Variants in FRMPD3 observed in about 807,000 individuals in gnomAD.
The protein encoded by FRMPD3 is FERM and PDZ domain-containing protein 3.
Under a neutral mutation model 97.9 loss-of-function variants are expected in FRMPD3, and 42 were observed. The observed-to-expected ratio is 0.43, with a 90% CI of 0.34 to 0.55. The LOEUF (loss-of-function observed/expected upper bound fraction) is 0.55. Ranked by LOEUF, FRMPD3 falls within the 20% of genes least tolerant of loss-of-function variation. The pLI is 0.03. For synonymous variants in FRMPD3, 577 were observed against 581.1 expected (o/e 0.99, Z 0.10); for missense variants, 1,303 against 1,457.7 (o/e 0.89, Z 1.73).
At chrX:107,565,144 G>C in intron 12 of FRMPD3, 78 bp downstream of exon 12, 1 of 966,960 alleles carries the variant, frequency 1.0e-6, no homozygotes, top group Non-Finnish European at 1.4e-6. Flanking sequence ...TTGAGAAAGA[G>C]AATTGGAATC....
At position 107,597,602 on chromosome X, in the gene FRMPD3, G is replaced by A. The variant is rs750683311; in HGVS notation, c.1723G>A (p.Val575Ile). Residue 575 changes from valine to isoleucine, a missense_variant, in exon 14 of 15, where the codon GTA becomes ATA. Transcript: ENST00000683843. Reference sequence around the variant, plus strand: ...CAAAAGCTCTGGCCAAGGTTATGAGGTAGTCCCTGATGACTTTGATGCAGC... The same window carrying A: ...CAAAAGCTCTGGCCAAGGTTATGAGATAGTCCCTGATGACTTTGATGCAGC... ...TSKSSGQGYE[V>I]VPDDFDAASL... 7 of 1,210,938 alleles carry A rather than the reference G, an allele frequency of 5.8e-6. No individual in the cohort carries two copies. The East Asian group carries it at 2.1e-4, about 36-fold the overall frequency.
intron 13 of FRMPD3, among the ~76,000 whole-genome samples, chrX:107,594,829 T>C (rs1015546769): frequency 2.2e-4 from 24 of 109,971 alleles, no homozygotes; most frequent in African/African-American, 8.0e-4. Context: ...TGCAGTGAGC[T>C]GAGTTCGTGC....
intron 13 of FRMPD3, among the ~76,000 whole-genome samples, chrX:107,594,603 C>T (rs146611606): frequency 1.8e-5 from 2 of 112,276 alleles, no homozygotes; most frequent in Non-Finnish European, 3.8e-5. Flanking sequence ...TATTTTAGGC[C>T]GGGCGCGGTG....
intron 1 of FRMPD3, among the ~76,000 whole-genome samples, chrX:107,456,942 A>C (rs1422417414): frequency 1.8e-5 from 2 of 112,176 alleles, no homozygotes; most frequent in Non-Finnish European, 3.8e-5. Context: ...TGGAGGCAGG[A>C]AGACCAGTTA....
intron 2 of FRMPD3, among the ~76,000 whole-genome samples, chrX:107,528,068 T>C (rs965127700): frequency 5.4e-5 from 6 of 110,895 alleles, no homozygotes; most frequent in African/African-American, 2.0e-4. Flanking sequence ...GGGGTTCAGC[T>C]GCCAAAGGTA....
intron 13 of FRMPD3, among the ~76,000 whole-genome samples, chrX:107,590,336 C>T (rs1258490621): frequency 9.8e-6 from 1 of 101,918 alleles, no homozygotes; most frequent in Admixed American, 1.0e-4. Flanking sequence ...TCTGGACAGA[C>T]CCCAGACTAA....
intron 13 of FRMPD3, 41 bp downstream of exon 13, chrX:107,576,500 C>T (rs1310637202): frequency 1.7e-6 from 2 of 1,180,936 alleles, no homozygotes; most frequent in South Asian, 1.9e-5. Context: ...TGCCAGAGGC[C>T]CTTTGGACCC....
At chrX:107,483,852 A>G (rs927609485) in intron 1 of FRMPD3, among the ~76,000 whole-genome samples, 5 of 110,999 alleles carry the variant, frequency 4.5e-5, no homozygotes, top group East Asian at 5.7e-4. Context: ...CTGCCTGCCT[A>G]TCTGGATGGA....
intron 13 of FRMPD3, 140 bp downstream of exon 13, chrX:107,576,599 A>G (rs1388021154): frequency 1.1e-5 from 7 of 634,599 alleles, no homozygotes; most frequent in Non-Finnish European, 1.4e-5. Context: ...CTGTACCACT[A>G]TATCCTAGCT....
At chrX:107,572,525 G>C (rs927106005) in intron 12 of FRMPD3, among the ~76,000 whole-genome samples, 1 of 111,514 alleles carries the variant, frequency 9.0e-6, no homozygotes, top group African/African-American at 3.3e-5. Context: ...ATCACTGAAA[G>C]TCAGGAGTTC....
intron 12 of FRMPD3, among the ~76,000 whole-genome samples, chrX:107,566,608 G>C (rs981490787): frequency 3.5e-5 from 4 of 112,940 alleles, no homozygotes; most frequent in African/African-American, 1.3e-4. Flanking sequence ...TCTATGTTCT[G>C]AGTGATTCTC....
At chrX:107,585,432 A>C (rs1164993493) in intron 13 of FRMPD3, among the ~76,000 whole-genome samples, 1 of 111,382 alleles carries the variant, frequency 9.0e-6, no homozygotes, top group African/African-American at 3.3e-5. Context: ...AATACACTTT[A>C]TTTCTTTCTT....
At chrX:107,594,379 C>G (rs1178634469) in intron 13 of FRMPD3, among the ~76,000 whole-genome samples, 1 of 111,798 alleles carries the variant, frequency 8.9e-6, no homozygotes, top group Non-Finnish European at 1.9e-5. Flanking sequence ...TACTCTGGCT[C>G]TTTTAGTTAT....
intron 1 of FRMPD3, among the ~76,000 whole-genome samples, chrX:107,523,898 A>T (rs776328557): frequency 7.1e-5 from 8 of 111,994 alleles, no homozygotes; most frequent in Non-Finnish European, 1.3e-4. Context: ...TCAAAAAAGG[A>T]AAAAAGGGCA....
chrX:107,594,180 C>T (rs991003719), intron 13 of FRMPD3, among the ~76,000 whole-genome samples: 1 of 111,655 alleles, frequency 9.0e-6, no homozygotes, highest in Non-Finnish European at 1.9e-5. Flanking sequence ...TGGTGTATAG[C>T]AGTGCTACTG....
At chrX:107,520,961 C>T (rs1461799506) in intron 1 of FRMPD3, among the ~76,000 whole-genome samples, 1 of 111,841 alleles carries the variant, frequency 8.9e-6, no homozygotes. Context: ...TTATTGTTTT[C>T]GGCACTGTCC....
intron 8 of FRMPD3, among the ~76,000 whole-genome samples, chrX:107,556,679 G>T (rs1178225128): frequency 8.9e-6 from 1 of 111,743 alleles, no homozygotes; most frequent in East Asian, 2.8e-4. Flanking sequence ...AGATTAGTTT[G>T]CACTTTTTAG....
chrX:107,516,242 A>G (rs1343119657), intron 1 of FRMPD3, among the ~76,000 whole-genome samples: 5 of 110,142 alleles, frequency 4.5e-5, no homozygotes, highest in African/African-American at 1.7e-4. Flanking sequence ...TCCATGGTGT[A>G]TATGTGCCAC....
intron 1 of FRMPD3, among the ~76,000 whole-genome samples, chrX:107,510,915 C>T (rs943840944): frequency 2.7e-5 from 3 of 112,470 alleles, no homozygotes; most frequent in Non-Finnish European, 5.6e-5. Flanking sequence ...TCAGGGGTTG[C>T]TCCCTCACAG....
Sources: allele counts gnomAD v4.1 joint callset (sites outside exome capture counted in the v4.1 genomes callset), GRCh38; gene constraint gnomAD v4.1.1; transcripts MANE v1.5; gene names NCBI Gene and HGNC (gene_info 2026-07-23, HGNC 2026-07-21).